Variants in CRIM1 observed in about 807,000 individuals in gnomAD.
The protein encoded by CRIM1 is cysteine-rich motor neuron 1 protein.
CRIM1 carries 32 observed loss-of-function variants against 116.4 expected under a neutral mutation model. That is an observed-to-expected ratio of 0.27 (90% CI 0.21 to 0.37). CRIM1 has a LOEUF of 0.37. Ranked by LOEUF, CRIM1 falls within the 10% of genes least tolerant of loss-of-function variation. The probability of loss-of-function intolerance (pLI) is 1.00; values close to 1 mark genes in which losing one functional copy is unlikely to be tolerated. For missense variants in CRIM1, 1,331 were observed against 1,354.8 expected (o/e 0.98, Z 0.28); for synonymous variants, 590 against 509.2 (o/e 1.16, Z -2.13).
At chr2:36,416,349 A>G (rs142964302) in intron 2 of CRIM1, among the ~76,000 whole-genome samples, 1,795 of 152,294 alleles carry the variant, frequency 0.012, 12 homozygotes, top group Non-Finnish European at 0.017. Context: ...TGATATGCTA[A>G]AAGAATGGGA....
At chr2:36,439,845 T>TA (rs1031419345) in intron 2 of CRIM1, among the ~76,000 whole-genome samples, 33 of 152,318 alleles carry the variant, frequency 2.2e-4, no homozygotes, top group African/African-American at 7.5e-4. Context: ...GTTTGTTACT[T>TA]ATGTTCTGTC....
chr2:36,434,955 G>A (rs560964432), intron 2 of CRIM1, among the ~76,000 whole-genome samples: 58 of 152,088 alleles, frequency 3.8e-4, no homozygotes, highest in Middle Eastern at 3.4e-3. Context: ...TCCTTCACTC[G>A]CCTGGTGACA....
At chr2:36,378,731 G>GA in intron 1 of CRIM1, 4 of 151,510 alleles carry the variant, frequency 2.6e-5, no homozygotes, top group Non-Finnish European at 5.8e-5. Flanking sequence ...AAAGTCTAAT[G>GA]TCTTTTTGGC....
chr2:36,479,418 G>A, intron 6 of CRIM1, 79 bp from the exon 7 acceptor site: 1 of 1,435,142 alleles, frequency 7.0e-7, no homozygotes, highest in South Asian at 1.2e-5. Flanking sequence ...AGAACCCAGG[G>A]AAAAAATGTC....
At chr2:36,530,141 G>C (rs980665204) in intron 13 of CRIM1, among the ~76,000 whole-genome samples, 1 of 152,144 alleles carries the variant, frequency 6.6e-6, no homozygotes, top group African/African-American at 2.4e-5. Flanking sequence ...ATCATTTCCT[G>C]ACAGAATGAC....
chr2:36,537,030 CT>C (rs1312243999), intron 13 of CRIM1, among the ~76,000 whole-genome samples: 4 of 152,148 alleles, frequency 2.6e-5, no homozygotes, highest in Non-Finnish European at 5.9e-5. Context: ...TTGAATCCAT[CT>C]CTGTAAATAA....
At chr2:36,546,790 T>TAAA (rs1159932615) in intron 15 of CRIM1, among the ~76,000 whole-genome samples, 194 bp from the exon 16 acceptor site, 3 of 130,480 alleles carry the variant, frequency 2.3e-5, no homozygotes, top group African/African-American at 8.8e-5. Context: ...TTTTTTTTTT[T>TAAA]AACATTCATC....
chr2:36,515,034 T>C (rs1439810152), intron 11 of CRIM1, among the ~76,000 whole-genome samples: 1 of 152,264 alleles, frequency 6.6e-6, no homozygotes, highest in Non-Finnish European at 1.5e-5. Flanking sequence ...GAAAAACTGC[T>C]AGAGTCCCCT....
intron 14 of CRIM1, among the ~76,000 whole-genome samples, chr2:36,538,423 C>G (rs1008848243): frequency 6.6e-6 from 1 of 151,964 alleles, no homozygotes; most frequent in Non-Finnish European, 1.5e-5. Flanking sequence ...CTCAGCGAGT[C>G]AGGAGCTTTT....
In CRIM1 at chr2:36,477,076, G is replaced by C. The variant is rs750851603; in HGVS notation, c.1174+5G>C. 2 of 1,602,042 alleles carry C rather than the reference G, an allele frequency of 1.2e-6. No individual in the cohort carries two copies. The highest frequency in any genetic ancestry group is 1.7e-6 in the Non-Finnish European group (2 of 1,174,602). On this transcript the variant is annotated splice_donor_5th_base_variant and intron_variant, in intron 6 of 16. Coordinates refer to ENST00000280527, the MANE Select transcript of CRIM1 (RefSeq NM_016441.3). ...AGTGCTGCCCAGTGTGTGAAGGTAA[G>C]AAAAGGTGCTAATTACAGATTAACA...
chr2:36,447,338 A>G (rs1676323798), intron 4 of CRIM1, among the ~76,000 whole-genome samples: 1 of 152,184 alleles, frequency 6.6e-6, no homozygotes, highest in Admixed American at 6.5e-5. Context: ...GGGGAATATG[A>G]ATTTATATCT....
In CRIM1 at chr2:36,525,033, C is replaced by T. The variant is rs111402046; in HGVS notation, c.2428+2720C>T. 1.6e-3 allele frequency among the ~76,000 whole-genome samples: 250 copies of T among 152,276 alleles called. 1 individual carries two copies. The highest frequency in any genetic ancestry group is 7.1e-3 in the East Asian group (37 of 5,188). ...GTCTCCCTCCACAACTTCCCTCCCC[C>T]TCCCAAACTGATGCACGTATAATTT... is the stretch of plus-strand genomic sequence containing the variant. On this transcript the variant is annotated intron_variant, in intron 13 of 16. Coordinates refer to ENST00000280527, the MANE Select transcript of CRIM1 (RefSeq NM_016441.3).
intron 2 of CRIM1, among the ~76,000 whole-genome samples, chr2:36,428,462 A>G (rs895886752): frequency 2.0e-5 from 3 of 152,214 alleles, no homozygotes; most frequent in Non-Finnish European, 4.4e-5. Flanking sequence ...GATTAGATTG[A>G]TTTATTGAAA....
At chr2:36,408,775 A>G (rs1672999328) in intron 2 of CRIM1, among the ~76,000 whole-genome samples, 1 of 151,950 alleles carries the variant, frequency 6.6e-6, no homozygotes, top group African/African-American at 2.4e-5. Flanking sequence ...GACAGTTTAT[A>G]TCCTGCTTAT....
intron 1 of CRIM1, chr2:36,369,254 G>A (rs1669791713): frequency 6.6e-6 from 1 of 152,218 alleles, no homozygotes; most frequent in African/African-American, 2.4e-5. Context: ...TAGAAGGTGA[G>A]TTAGAGACCC....
chr2:36,407,682 G>A (rs1338111393), intron 2 of CRIM1, among the ~76,000 whole-genome samples: 2 of 138,102 alleles, frequency 1.4e-5, no homozygotes, highest in African/African-American at 5.6e-5. Flanking sequence ...CCTTCTGGTT[G>A]TTGTGATTTC....
rs147180732 is a variant in CRIM1 at position 36,545,661 on chromosome 2, T to C, written c.2746+1163T>C. Among the ~76,000 whole-genome samples the C allele has an allele frequency of 3.2e-3, 486 of 152,324 alleles. 7 individuals are homozygous for C. The highest frequency in any genetic ancestry group is 0.011 in the African/African-American group (460 of 41,572). On this transcript the variant is annotated intron_variant, in intron 15 of 16. Transcript: ENST00000280527. ...CTACAAAGCTCAAAGCTAACTTTGA[T>C]GGCTTGGTTTTAGCACAGAAACAGA... is the stretch of plus-strand genomic sequence containing the variant.
chr2:36,411,580 A>G (rs766716129), intron 2 of CRIM1, among the ~76,000 whole-genome samples: 149 of 152,334 alleles, frequency 9.8e-4, no homozygotes, highest in Middle Eastern at 3.4e-3. Flanking sequence ...CTACATGTAT[A>G]TAAGCACATA....
rs548221118 is a variant in CRIM1 at position 36,385,749 on chromosome 2, G to C, written c.332-10865G>C. Among the ~76,000 whole-genome samples the C allele has an allele frequency of 5.3e-5, 8 of 152,244 alleles. No individual in the cohort carries two copies. The South Asian group carries it at 6.2e-4, about 12-fold the overall frequency. On this transcript the variant is annotated intron_variant, in intron 1 of 16. Transcript: ENST00000280527. The stretch of plus-strand genomic sequence containing the variant: ...CAGCCTTTGACTACCTCACTTTCCT[G>C]TTTCTTCAGCTCCTCATGTCCCCTG...
Sources: gnomAD v4.1 joint callset for allele counts (sites outside exome capture counted in the v4.1 genomes callset) on GRCh38, gnomAD v4.1.1 for gene constraint, MANE v1.5 for transcripts, NCBI Gene and HGNC (gene_info 2026-07-23, HGNC 2026-07-21) for gene names.